IBTK: variants seen among roughly 807,000 people sequenced by gnomAD.
The protein encoded by IBTK is BTK-binding protein.
In IBTK, 83 loss-of-function variants were observed where a neutral mutation model predicts 154.9. The ratio of observed to expected loss-of-function variants is 0.54; its 90% confidence interval spans 0.45 to 0.64. IBTK has a LOEUF of 0.64. Among genes scored for constraint, IBTK ranks in the 30% least tolerant of loss-of-function variants. IBTK has a pLI of 0.00. For synonymous variants in IBTK, 515 were observed against 536.1 expected (o/e 0.96, Z 0.54); for missense variants, 1,332 against 1,584.6 (o/e 0.84, Z 2.71).
chr6:82,228,724 C>A (rs1770388386), intron 4 of IBTK, among the ~76,000 whole-genome samples: 1 of 151,960 alleles, frequency 6.6e-6, no homozygotes, highest in South Asian at 2.1e-4. Context: ...CGGGTTCACG[C>A]TATTCTCCTG....
intron 26 of IBTK, among the ~76,000 whole-genome samples, chr6:82,176,878 C>T (rs1275892815): frequency 1.3e-5 from 2 of 152,170 alleles, no homozygotes; most frequent in Admixed American, 6.5e-5. Flanking sequence ...TCTGTTTATA[C>T]TGCCCCATCT....
intron 13 of IBTK, among the ~76,000 whole-genome samples, chr6:82,212,121 A>G (rs1193349892): frequency 2.6e-5 from 4 of 151,490 alleles, no homozygotes; most frequent in Admixed American, 2.0e-4. Flanking sequence ...CAGCCTCCCA[A>G]GTGGCTGGGA....
At chr6:82,204,019 G>T (rs543800558) in intron 17 of IBTK, among the ~76,000 whole-genome samples, 3 of 152,238 alleles carry the variant, frequency 2.0e-5, no homozygotes, top group African/African-American at 7.2e-5. Context: ...ACAGATATAA[G>T]ATTAGAAAGT....
At chr6:82,213,256 T>G (rs574724634) in intron 12 of IBTK, among the ~76,000 whole-genome samples, 84 of 152,162 alleles carry the variant, frequency 5.5e-4, no homozygotes, top group Non-Finnish European at 9.7e-4. Context: ...CTCAAACTCC[T>G]GACCTCAGGA....
Position 82,200,568 on chromosome 6 carries a change from A to G in IBTK, c.2912+19T>C. 1 of 1,512,554 alleles carries G rather than the reference A, an allele frequency of 6.6e-7. No homozygotes were observed. The allele number at this position is 1,512,554 out of a possible 1,614,324, so 93.7% of individuals were successfully genotyped here. A position where few individuals can be genotyped will look rare whatever the true frequency, so the allele number is the denominator to read the frequency against. ...GGAAGAAAAGGAGGAAAAGAAAAAA[A>G]AAAAAGAAAACAGCTTACGAATGAT... On this transcript the variant is annotated intron_variant, in intron 20 of 28. Transcript: ENST00000306270.
intron 25 of IBTK, among the ~76,000 whole-genome samples, chr6:82,190,210 AT>A (rs773469605): frequency 9.9e-5 from 15 of 152,178 alleles, no homozygotes; most frequent in Non-Finnish European, 2.1e-4. Context: ...GAATAAAATT[AT>A]TTGCCACTTT....
rs771783713 is a variant in IBTK, at chr6:82,173,453, C to T, written c.3726-15G>A. 3 of 1,606,002 alleles carry T rather than the reference C, an allele frequency of 1.9e-6. No homozygotes were observed. The highest frequency in any genetic ancestry group is 2.6e-6 in the Non-Finnish European group (3 of 1,173,464). ...GGGTAGAGCATCTGCAAAACAAATG[C>T]CAAAATTAAAGATTAAAGCTTCTAG... On this transcript the variant is annotated splice_polypyrimidine_tract_variant and intron_variant, in intron 26 of 28. Transcript: ENST00000306270.
chr6:82,193,420 T>TAGGC (rs144819404), intron 23 of IBTK, among the ~76,000 whole-genome samples: 34,736 of 151,724 alleles, frequency 0.23, 3,953 homozygotes, highest in Admixed American at 0.25. Context: ...CCAATTTGTG[T>TAGGC]ACTTATGCAA....
rs754531524 is a variant in IBTK, at chr6:82,240,969, C to A, written c.-357-126G>T. 4.8e-5 allele frequency: 19 copies of A among 395,466 alleles called. 1 individual carries two copies. Among genetic ancestry groups the A allele is most frequent in the Non-Finnish European group, 7.6e-5 (17 of 224,744 alleles). 24.5% of individuals were successfully genotyped at this position (395,466 alleles called of 1,614,324 possible). A position where few individuals can be genotyped will look rare whatever the true frequency, so the allele number is the denominator to read the frequency against. Reference sequence around the variant, plus strand: ...CCCATTTATGCTTAGTGTTCCATTACTGGAACACTAAGCTTACGGGAGTTA... The same window carrying A: ...CCCATTTATGCTTAGTGTTCCATTAATGGAACACTAAGCTTACGGGAGTTA... On this transcript the variant is annotated intron_variant, in intron 1 of 28. Coordinates refer to ENST00000306270, the MANE Select transcript of IBTK (RefSeq NM_015525.4).
chr6:82,190,960 A>G (rs1048041877), intron 25 of IBTK, 113 bp downstream of exon 25: 6 of 712,096 alleles, frequency 8.4e-6, no homozygotes, highest in East Asian at 3.3e-5. Context: ...GGGAGATAAA[A>G]TACTTGAAAA....
intron 4 of IBTK, among the ~76,000 whole-genome samples, chr6:82,231,010 C>G (rs1329497526): frequency 6.6e-6 from 1 of 152,126 alleles, no homozygotes; most frequent in African/African-American, 2.4e-5. Context: ...TTATCTGTCT[C>G]CATAAGTGAT....
At chr6:82,173,284 G>A in intron 27 of IBTK, 83 bp downstream of exon 27, 1 of 953,476 alleles carries the variant, frequency 1.0e-6, no homozygotes, top group Non-Finnish European at 1.7e-6. Flanking sequence ...TTATAGGCAT[G>A]AGCCACTGCA....
intron 1 of IBTK, among the ~76,000 whole-genome samples, chr6:82,247,064 T>C (rs550069): frequency 0.7 from 106,586 of 151,946 alleles, 37,719 homozygotes; most frequent in East Asian, 0.96. Context: ...CTCTCAACCC[T>C]CCACCCTCCA....
Position 82,173,383 on chromosome 6 carries a change from G to A in IBTK, c.3781C>T (p.Leu1261Phe). Residue 1261 changes from leucine (L) to phenylalanine (F), a missense_variant, in exon 27 of 29, where the codon CTT (leucine) becomes TTT (phenylalanine). Leu to Phe is a conservative substitution (Grantham distance 22, BLOSUM62 0). Around this residue, in one of 3 missense-constraint regions of IBTK, gnomAD observed 1,134 missense variants for 1,274.7 expected, o/e 0.89. Coordinates refer to ENST00000306270, the MANE Select transcript of IBTK (RefSeq NM_015525.4). ...TAACCTTACTTGGGACTGTCTAGAA[G>A]TGGTAAATCTGAAATATGGTTGCCT... ...PEGNHISDLP[L>F]LDSPNPWLSS... is the part of the protein sequence containing the mutation. The A allele has an allele frequency of 3.7e-6, 6 of 1,612,998 alleles. No individual in the cohort carries two copies. Among genetic ancestry groups the A allele is most frequent in the Non-Finnish European group, 5.1e-6 (6 of 1,179,096 alleles).
In IBTK at chr6:82,212,708, A is replaced by AT; in HGVS notation, c.2289dup (p.Cys764MetfsTer6). 1 of 1,574,566 alleles carries AT rather than the reference A, an allele frequency of 6.4e-7. No homozygotes were observed. The highest frequency in any genetic ancestry group is 8.7e-7 in the Non-Finnish European group (1 of 1,144,590). ...GTTAATCTTCCTTTCCTTACTTACC[A>AT]TTTTTTCTGACTTAGCTTCAGTTTA... is the stretch of plus-strand genomic sequence containing the variant. On this transcript the variant is annotated frameshift_variant and splice_region_variant, in exon 13 of 29. Transcript: ENST00000306270. LOFTEE classifies it high-confidence loss of function.
At chr6:82,234,283 A>G in intron 2 of IBTK, 28 bp from the exon 3 acceptor site, 1 of 860,202 alleles carries the variant, frequency 1.2e-6, no homozygotes, top group Non-Finnish European at 1.7e-6. Flanking sequence ...ACAAATACAT[A>G]AATATATATA....
chr6:82,199,328 G>A (rs1562083419), intron 21 of IBTK, among the ~76,000 whole-genome samples: 1 of 152,224 alleles, frequency 6.6e-6, no homozygotes, highest in African/African-American at 2.4e-5. Flanking sequence ...CAAATGTGAT[G>A]AGAAGTTAAC....
intron 16 of IBTK, among the ~76,000 whole-genome samples, chr6:82,206,824 A>G (rs922986653): frequency 6.6e-6 from 1 of 152,202 alleles, no homozygotes; most frequent in East Asian, 1.9e-4. Context: ...ACAAAAATAA[A>G]GTATAATAAA....
intron 21 of IBTK, among the ~76,000 whole-genome samples, chr6:82,198,701 G>A (rs914973525): frequency 4.6e-5 from 7 of 152,030 alleles, no homozygotes; most frequent in African/African-American, 7.2e-5. Context: ...ACTGTACTAG[G>A]TTATGCCTTA....
Sources: allele counts gnomAD v4.1 joint callset (sites outside exome capture counted in the v4.1 genomes callset), GRCh38; gene constraint gnomAD v4.1.1; regional missense constraint gnomAD v4.1.1; transcripts MANE v1.5; gene names NCBI Gene and HGNC (gene_info 2026-07-23, HGNC 2026-07-21).